Variants in AIM2 observed in about 807,000 individuals in gnomAD.
AIM2 encodes the protein interferon-inducible protein AIM2.
In AIM2, 30 loss-of-function variants were observed where a neutral mutation model predicts 27.7. The observed-to-expected ratio is 1.08, with a 90% CI of 0.81 to 1.47. The LOEUF (loss-of-function observed/expected upper bound fraction) is 1.47, where lower values mean the gene tolerates loss of function less well. Ranked by LOEUF, AIM2 falls within the 40% of genes most tolerant of loss-of-function variation. The pLI is 0.00. For synonymous variants in AIM2, 141 were observed against 145.3 expected, an observed-to-expected ratio of 0.97 and a Z score of 0.21; for missense variants, 358 against 411.3, an observed-to-expected ratio of 0.87 and a Z score of 1.12.
intron 1 of AIM2, among the ~76,000 whole-genome samples, chr1:159,075,574 C>CACACATAT (rs1553215635): frequency 1.9e-4 from 21 of 109,220 alleles, no homozygotes; most frequent in East Asian, 1.3e-3. Context: ...CACACACACA[C>CACACATAT]ATATATATAT....
At chr1:159,128,289 A>ACACACACC (rs1647775624) in intron 1 of AIM2, among the ~76,000 whole-genome samples, 1 of 150,008 alleles carries the variant, frequency 6.7e-6, no homozygotes, top group Non-Finnish European at 1.5e-5. Flanking sequence ...ACACACACAC[A>ACACACACC]CCACCCCAAG....
chr1:159,075,570 C>CAT (rs1252708760), intron 1 of AIM2, among the ~76,000 whole-genome samples: 1 of 144,926 alleles, frequency 6.9e-6, no homozygotes, highest in African/African-American at 2.6e-5. Flanking sequence ...CACACACACA[C>CAT]ACACATATAT....
chr1:159,055,373 G>T, the AIM2 span, among the ~76,000 whole-genome samples: 1 of 152,206 alleles, frequency 6.6e-6, no homozygotes, highest in African/African-American at 2.4e-5. Flanking sequence ...AATCCAGTTT[G>T]TGGTTCAGTT....
intron 1 of AIM2, among the ~76,000 whole-genome samples, chr1:159,090,460 C>A (rs72709587): frequency 0.032 from 4,880 of 152,304 alleles, 106 homozygotes; most frequent in Non-Finnish European, 0.046. Flanking sequence ...TGCTAGAAAG[C>A]GTGTGACTGC....
chr1:159,095,611 T>C (rs1363920757), intron 1 of AIM2, among the ~76,000 whole-genome samples: 3 of 152,246 alleles, frequency 2.0e-5, no homozygotes, highest in African/African-American at 7.2e-5. Context: ...CCTAGTTTAC[T>C]CTGTCTGATA....
downstream of AIM2, among the ~76,000 whole-genome samples, chr1:159,061,050 T>C (rs1413911890): frequency 2.0e-5 from 3 of 152,320 alleles, no homozygotes; most frequent in Non-Finnish European, 1.5e-5. Context: ...GACCTTAGCA[T>C]TGTAGATGCA....
chr1:159,106,022 T>C (rs986894915), intron 1 of AIM2, among the ~76,000 whole-genome samples: 1 of 152,140 alleles, frequency 6.6e-6, no homozygotes, highest in African/African-American at 2.4e-5. Flanking sequence ...AGGCTGTTCA[T>C]GGCAAGGTCA....
At chr1:159,087,605 C>T (rs1656947694) in intron 1 of AIM2, among the ~76,000 whole-genome samples, 1 of 133,498 alleles carries the variant, frequency 7.5e-6, no homozygotes, top group South Asian at 2.4e-4. Flanking sequence ...TGGAGTCTTG[C>T]TCTGTCACCC....
At chr1:159,132,470 C>T (rs370472372) in intron 1 of AIM2, 1 of 152,102 alleles carries the variant, frequency 6.6e-6, no homozygotes, top group Non-Finnish European at 1.5e-5. Flanking sequence ...ATTGTGCAAG[C>T]CTCCCAGCAG....
At chr1:159,145,182 G>T (rs1196047500), upstream of AIM2, among the ~76,000 whole-genome samples, 1 of 152,076 alleles carries the variant, frequency 6.6e-6, no homozygotes, top group African/African-American at 2.4e-5. Context: ...CCTATAGAGT[G>T]AGACCTACTG....
rs149059651 is a variant in AIM2 at position 159,074,987 on chromosome 1, C to A, written c.-20-1468G>T. 6.8e-4 allele frequency among the ~76,000 whole-genome samples: 104 copies of A among 152,106 alleles called. 2 individuals carry two copies. In the East Asian group the frequency reaches 0.018, roughly 26 times the overall value. ...AAAACCTAAATGAAAAAAATAAAGA[C>A]AAAAACCTGCAAAACAAGTTGAATA... On this transcript the variant is annotated intron_variant, in intron 1 of 5. Transcript: ENST00000368130.
At chr1:159,097,516 G>A (rs1207743220) in intron 1 of AIM2, among the ~76,000 whole-genome samples, 1 of 152,130 alleles carries the variant, frequency 6.6e-6, no homozygotes, top group Non-Finnish European at 1.5e-5. Flanking sequence ...TAAGAACAGA[G>A]AGATAGTACA....
intron 2 of AIM2, among the ~76,000 whole-genome samples, chr1:159,071,131 G>A (rs1323850546): frequency 1.3e-5 from 2 of 151,808 alleles, no homozygotes; most frequent in East Asian, 1.9e-4. Context: ...CTTTTTCTAC[G>A]CTTATGTGTC....
intron 1 of AIM2, among the ~76,000 whole-genome samples, chr1:159,091,052 G>A (rs1557901368): frequency 6.6e-6 from 1 of 152,142 alleles, no homozygotes; most frequent in African/African-American, 2.4e-5. Context: ...GGGGCAGGCT[G>A]TATGTGGGAA....
intron 1 of AIM2, among the ~76,000 whole-genome samples, chr1:159,128,654 G>A (rs968662785): frequency 6.6e-6 from 1 of 151,746 alleles, no homozygotes; most frequent in Non-Finnish European, 1.5e-5. Flanking sequence ...CTCTTTCCAG[G>A]ATCTAGATAC....
downstream of AIM2, among the ~76,000 whole-genome samples, chr1:159,061,548 G>A (rs954510195): frequency 8.2e-5 from 12 of 147,226 alleles, no homozygotes; most frequent in African/African-American, 2.8e-4. Context: ...GCCCACCACC[G>A]TGCCCGGCTA....
intron 1 of AIM2, among the ~76,000 whole-genome samples, chr1:159,100,296 A>G (rs925327453): frequency 6.6e-6 from 1 of 152,206 alleles, no homozygotes; most frequent in Non-Finnish European, 1.5e-5. Context: ...CTATCTGGTC[A>G]CCTTATAAAA....
chr1:159,069,143 C>CAA (rs1189793420), intron 2 of AIM2, among the ~76,000 whole-genome samples: 15 of 109,696 alleles, frequency 1.4e-4, no homozygotes, highest in African/African-American at 4.9e-4. Flanking sequence ...CTGTCTGTCT[C>CAA]AAAAAAAAAA....
At chr1:159,126,718 C>T (rs1485893116) in intron 1 of AIM2, among the ~76,000 whole-genome samples, 1 of 150,348 alleles carries the variant, frequency 6.7e-6, no homozygotes, top group Non-Finnish European at 1.5e-5. Context: ...TGAAACCGAA[C>T]AGGAATATAA....
Sources: gnomAD v4.1 joint callset for allele counts (sites outside exome capture counted in the v4.1 genomes callset) on GRCh38, gnomAD v4.1.1 for gene constraint, MANE v1.5 for transcripts, NCBI Gene and HGNC (gene_info 2026-07-23, HGNC 2026-07-21) for gene names.